Variants in AGMO observed in about 807,000 individuals in gnomAD.
The protein encoded by AGMO is glyceryl-ether monooxygenase.
AGMO carries 75 observed loss-of-function variants against 60.2 expected under a neutral mutation model. That is an observed-to-expected ratio of 1.25 (90% CI 1.03 to 1.51). The LOEUF (loss-of-function observed/expected upper bound fraction) is 1.51. Among genes scored for constraint, AGMO ranks in the 40% most tolerant of loss-of-function variants. The probability of loss-of-function intolerance (pLI) is 0.00; values close to 1 mark genes in which losing one functional copy is unlikely to be tolerated. For missense variants in AGMO, 763 were observed against 525.5 expected (o/e 1.45, Z -4.42); for synonymous variants, 261 against 177.1 (o/e 1.47, Z -3.76).
At chr7:15,174,346 A>G in the AGMO span, among the ~76,000 whole-genome samples, 1 of 152,106 alleles carries the variant, frequency 6.6e-6, no homozygotes, top group Middle Eastern at 3.2e-3. Context: ...AGGAACGATC[A>G]CTTTTTGATC....
At chr7:15,548,466 C>G (rs1304902336) in intron 2 of AGMO, among the ~76,000 whole-genome samples, 1 of 151,638 alleles carries the variant, frequency 6.6e-6, no homozygotes, top group Non-Finnish European at 1.5e-5. Context: ...CAGAGAAGTG[C>G]TTAAAGGAGC....
the AGMO span, among the ~76,000 whole-genome samples, chr7:15,150,607 T>C: frequency 4.9e-4 from 75 of 152,306 alleles, no homozygotes; most frequent in African/African-American, 1.6e-3. Context: ...AGCACATTTA[T>C]TGATTTGCAT....
intron 12 of AGMO, 117 bp downstream of exon 12, chr7:15,365,397 A>AAAAAAAAAAAAAAAATT: frequency 2.1e-6 from 1 of 486,326 alleles, no homozygotes. Flanking sequence ...AAAAAAAAAG[A>AAAAAAAAAAAAAAAATT]TCAAGATTTC....
intron 12 of AGMO, among the ~76,000 whole-genome samples, chr7:15,353,013 C>A (rs1487905223): frequency 6.6e-6 from 1 of 151,908 alleles, no homozygotes; most frequent in East Asian, 1.9e-4. Flanking sequence ...TAGCACTGCG[C>A]ACGGCACACT....
the AGMO span, among the ~76,000 whole-genome samples, chr7:15,118,173 AACACACAC>A: frequency 0.33 from 47,395 of 144,502 alleles, 9,128 homozygotes; most frequent in East Asian, 0.65. Flanking sequence ...ACTAAAGAGA[AACACACAC>A]ACACACACAC....
At chr7:15,274,131 T>G (rs180991442) in intron 12 of AGMO, among the ~76,000 whole-genome samples, 3 of 152,298 alleles carry the variant, frequency 2.0e-5, no homozygotes, top group African/African-American at 7.2e-5. Flanking sequence ...TCCTGCCTGA[T>G]TGCCCTGGCC....
At position 15,305,767 on chromosome 7, in the gene AGMO, G is replaced by C. The variant is rs185899488; in HGVS notation, c.1263+59747C>G. 4.3e-3 allele frequency among the ~76,000 whole-genome samples: 658 copies of C among 151,964 alleles called. 4 individuals carry two copies. The highest frequency in any genetic ancestry group is 0.015 in the African/African-American group (627 of 41,486). ...ACTGTGTCATTATAAATGAAGACTA[G>C]AATTCTAGAGAAATCATACGGAAGA... On this transcript the variant is annotated intron_variant, in intron 12 of 12. Transcript: ENST00000342526.
chr7:15,344,099 A>C (rs1781950503), intron 12 of AGMO, among the ~76,000 whole-genome samples: 1 of 152,200 alleles, frequency 6.6e-6, no homozygotes, highest in Non-Finnish European at 1.5e-5. Flanking sequence ...TTGAGAGTAA[A>C]TCAAGAATTT....
At chr7:15,376,975 T>C (rs1233541304) in intron 10 of AGMO, among the ~76,000 whole-genome samples, 2 of 152,126 alleles carry the variant, frequency 1.3e-5, no homozygotes, top group African/African-American at 4.8e-5. Context: ...AGAACTTGCA[T>C]ACATAAAACA....
chr7:15,531,318 ATATATTCTAT>A (rs1784335385), intron 3 of AGMO, among the ~76,000 whole-genome samples: 2 of 12,410 alleles, frequency 1.6e-4, no homozygotes, highest in African/African-American at 1.3e-3. Flanking sequence ...TATTCTATAC[ATATATTCTAT>A]ATATATTCTA....
chr7:15,307,244 T>C (rs1780641282), intron 12 of AGMO, among the ~76,000 whole-genome samples: 3 of 151,970 alleles, frequency 2.0e-5, no homozygotes, highest in South Asian at 4.1e-4. Flanking sequence ...CCATAAAACG[T>C]GGGAATCCTT....
intron 3 of AGMO, among the ~76,000 whole-genome samples, chr7:15,517,870 C>A (rs1392329634): frequency 6.6e-6 from 1 of 152,074 alleles, no homozygotes; most frequent in Non-Finnish European, 1.5e-5. Context: ...GCCAAGTGGT[C>A]TTGCTCAGAG....
intron 5 of AGMO, among the ~76,000 whole-genome samples, chr7:15,415,414 G>C (rs554401436): frequency 1.8e-4 from 28 of 151,932 alleles, no homozygotes; most frequent in African/African-American, 5.1e-4. Context: ...ATGGTGGTGC[G>C]TGCCTGTAGT....
chr7:15,373,610 T>A (rs1175175771), intron 10 of AGMO, among the ~76,000 whole-genome samples: 1 of 152,100 alleles, frequency 6.6e-6, no homozygotes, highest in Non-Finnish European at 1.5e-5. Flanking sequence ...TACAACCTCC[T>A]CTCACATTTC....
intron 10 of AGMO, among the ~76,000 whole-genome samples, chr7:15,380,420 GAAT>G (rs1469527326): frequency 4.0e-5 from 6 of 151,894 alleles, no homozygotes; most frequent in Non-Finnish European, 7.4e-5. Context: ...ATTGCCACAA[GAAT>G]AATAAAATAC....
At chr7:15,364,985 A>G (rs1476867850) in intron 12 of AGMO, among the ~76,000 whole-genome samples, 2 of 152,024 alleles carry the variant, frequency 1.3e-5, no homozygotes, top group Non-Finnish European at 2.9e-5. Flanking sequence ...TATAGACCCA[A>G]AAGTTCAATG....
intron 12 of AGMO, among the ~76,000 whole-genome samples, chr7:15,276,211 T>C (rs1783781485): frequency 6.6e-6 from 1 of 152,206 alleles, no homozygotes; most frequent in Non-Finnish European, 1.5e-5. Flanking sequence ...GAGCATTTCT[T>C]GTAGGACCAG....
At chr7:15,193,367 A>C in the AGMO span, among the ~76,000 whole-genome samples, 5 of 152,278 alleles carry the variant, frequency 3.3e-5, no homozygotes, top group South Asian at 6.2e-4. Flanking sequence ...TTATCAAGTA[A>C]TTTGTCTTAT....
chr7:15,277,116 T>C (rs1389124235), intron 12 of AGMO, among the ~76,000 whole-genome samples: 1 of 151,964 alleles, frequency 6.6e-6, no homozygotes, highest in Non-Finnish European at 1.5e-5. Flanking sequence ...TAGACCAGCA[T>C]GGCCAACATG....
Sources: gnomAD v4.1 joint callset for allele counts (sites outside exome capture counted in the v4.1 genomes callset) on GRCh38, gnomAD v4.1.1 for gene constraint, MANE v1.5 for transcripts, NCBI Gene and HGNC (gene_info 2026-07-23, HGNC 2026-07-21) for gene names.